Variants in GRIK2 observed in about 807,000 individuals in gnomAD.
GRIK2 encodes glutamate receptor ionotropic, kainate 2.
GRIK2 carries 32 observed loss-of-function variants against 100.3 expected under a neutral mutation model. That is an observed-to-expected ratio of 0.32 (90% CI 0.24 to 0.43). The LOEUF (loss-of-function observed/expected upper bound fraction) is 0.43. GRIK2 is among the 20% of genes least tolerant of loss of function. GRIK2 has a pLI of 1.00. For missense variants in GRIK2, 843 were observed against 1,114.9 expected (o/e 0.76, Z 3.47); for synonymous variants, 417 against 389.4 (o/e 1.07, Z -0.83).
At chr6:101,580,364 T>A (rs757753541) in intron 2 of GRIK2, among the ~76,000 whole-genome samples, 1 of 152,126 alleles carries the variant, frequency 6.6e-6, no homozygotes, top group Non-Finnish European at 1.5e-5. Flanking sequence ...ATTTTTAAAT[T>A]GTCTCTTTCC....
chr6:101,958,554 A>G (rs1307058693), intron 14 of GRIK2, among the ~76,000 whole-genome samples: 1 of 151,970 alleles, frequency 6.6e-6, no homozygotes, highest in Non-Finnish European at 1.5e-5. Flanking sequence ...TAGAAATTCC[A>G]GGACTATGTT....
chr6:101,859,041 A>AT (rs1229615039), intron 10 of GRIK2, among the ~76,000 whole-genome samples: 2 of 152,012 alleles, frequency 1.3e-5, no homozygotes, highest in African/African-American at 2.4e-5. Context: ...GATATACCAT[A>AT]TTTTTGTTAT....
At chr6:101,625,425 G>A (rs1486894647) in intron 3 of GRIK2, among the ~76,000 whole-genome samples, 1 of 146,818 alleles carries the variant, frequency 6.8e-6, no homozygotes, top group Non-Finnish European at 1.5e-5. Flanking sequence ...TAAATATGAA[G>A]TGGGTAAAAA....
At chr6:101,647,176 C>T (rs967630417) in intron 4 of GRIK2, among the ~76,000 whole-genome samples, 5 of 151,848 alleles carry the variant, frequency 3.3e-5, no homozygotes, top group East Asian at 1.9e-4. Context: ...CTTCACTGAA[C>T]GCTATACCTG....
At chr6:101,716,847 CA>C (rs978243832) in intron 7 of GRIK2, among the ~76,000 whole-genome samples, 25 of 151,768 alleles carry the variant, frequency 1.6e-4, no homozygotes, top group Admixed American at 5.9e-4. Context: ...CCTGAGATTC[CA>C]AAAGGTTAAA....
intron 14 of GRIK2, among the ~76,000 whole-genome samples, chr6:102,009,203 T>C (rs990930094): frequency 2.6e-5 from 4 of 152,114 alleles, no homozygotes; most frequent in Non-Finnish European, 4.4e-5. Context: ...TGAATCCTTT[T>C]GATTTTGCAT....
chr6:101,602,687 G>T (rs1428829913), intron 2 of GRIK2, among the ~76,000 whole-genome samples: 1 of 151,494 alleles, frequency 6.6e-6, no homozygotes, highest in Non-Finnish European at 1.5e-5. Context: ...CTGGATTGGA[G>T]TCAAGCAACT....
chr6:101,764,663 T>G (rs1368111337), intron 7 of GRIK2, among the ~76,000 whole-genome samples: 1 of 152,064 alleles, frequency 6.6e-6, no homozygotes, highest in African/African-American at 2.4e-5. Context: ...TGTTATTATT[T>G]TAAAGTTGAG....
intron 15 of GRIK2, among the ~76,000 whole-genome samples, chr6:102,045,700 A>G (rs1213077853): frequency 6.6e-6 from 1 of 152,120 alleles, no homozygotes; most frequent in Non-Finnish European, 1.5e-5. Context: ...AAAATGGTCC[A>G]AAGATCTTAA....
intron 2 of GRIK2, among the ~76,000 whole-genome samples, chr6:101,617,464 T>C (rs1363210629): frequency 6.6e-6 from 1 of 151,826 alleles, no homozygotes; most frequent in East Asian, 1.9e-4. Context: ...GTTATAAATA[T>C]TCTTGCACAT....
chr6:101,868,471 G>A (rs1162962218), intron 11 of GRIK2, among the ~76,000 whole-genome samples: 2 of 151,604 alleles, frequency 1.3e-5, no homozygotes, highest in Admixed American at 6.6e-5. Flanking sequence ...TTGTTTATCT[G>A]TGGTATATGG....
At chr6:101,773,873 G>A (rs562962488) in intron 7 of GRIK2, among the ~76,000 whole-genome samples, 1 of 152,014 alleles carries the variant, frequency 6.6e-6, no homozygotes, top group Admixed American at 6.6e-5. Context: ...TATGAAAATT[G>A]TACTTTTTCA....
intron 4 of GRIK2, among the ~76,000 whole-genome samples, chr6:101,627,445 A>G (rs1263112717): frequency 6.6e-6 from 1 of 152,066 alleles, no homozygotes; most frequent in Non-Finnish European, 1.5e-5. Flanking sequence ...CCCATTCTGA[A>G]ATATTTATTT....
chr6:102,012,112 C>T (rs1289384062), intron 14 of GRIK2, among the ~76,000 whole-genome samples: 1 of 151,828 alleles, frequency 6.6e-6, no homozygotes, highest in Non-Finnish European at 1.5e-5. Context: ...CTATTTGCTC[C>T]TTTGTATTGC....
At chr6:101,574,295 C>G (rs1440006078) in intron 2 of GRIK2, among the ~76,000 whole-genome samples, 1 of 145,568 alleles carries the variant, frequency 6.9e-6, no homozygotes, top group Non-Finnish European at 1.5e-5. Flanking sequence ...TATATATACA[C>G]TGTATATATT....
At chr6:101,988,497 C>A (rs1794174293) in intron 14 of GRIK2, among the ~76,000 whole-genome samples, 1 of 151,772 alleles carries the variant, frequency 6.6e-6, no homozygotes, top group African/African-American at 2.4e-5. Flanking sequence ...GCTGCACTGC[C>A]TAAATTGAAT....
intron 2 of GRIK2, chr6:101,431,294 AC>A (rs1769377780): frequency 6.4e-6 from 1 of 155,486 alleles, no homozygotes; most frequent in South Asian, 1.8e-4. Context: ...GGGCCTCTTC[AC>A]CCATGTGGGA....
intron 2 of GRIK2, among the ~76,000 whole-genome samples, chr6:101,533,203 C>G (rs1040304207): frequency 2.0e-5 from 3 of 151,728 alleles, no homozygotes; most frequent in African/African-American, 7.3e-5. Flanking sequence ...TTTTAGATCT[C>G]TTGTGCAGGG....
At chr6:101,568,435 C>T (rs535574539) in intron 2 of GRIK2, among the ~76,000 whole-genome samples, 14 of 151,924 alleles carry the variant, frequency 9.2e-5, no homozygotes, top group Non-Finnish European at 1.8e-4. Context: ...AGCTTACTAC[C>T]ACTGATTATA....
Sources: gnomAD v4.1 joint callset for allele counts (sites outside exome capture counted in the v4.1 genomes callset) on GRCh38, gnomAD v4.1.1 for gene constraint, MANE v1.5 for transcripts, NCBI Gene and HGNC (gene_info 2026-07-23, HGNC 2026-07-21) for gene names.